The following PTPRJ variants were observed in gnomAD, a reference collection of about 807,000 sequenced individuals.
PTPRJ encodes protein tyrosine phosphatase receptor type J.
A neutral mutation model predicts 141.3 loss-of-function variants in PTPRJ; 129 were observed. The ratio of observed to expected loss-of-function variants is 0.91; its 90% CI spans 0.79 to 1.06. PTPRJ has a LOEUF of 1.06. Among genes scored for constraint, PTPRJ ranks in the 50% least tolerant of loss-of-function variants. The probability of loss-of-function intolerance (pLI) is 0.00; values close to 1 mark genes in which losing one functional copy is unlikely to be tolerated. For missense variants in PTPRJ, 1,601 were observed against 1,679.7 expected (o/e 0.95, Z 0.82); for synonymous variants, 610 against 640.5 (o/e 0.95, Z 0.72).
rs538201000 is a variant in PTPRJ at position 48,132,322 on chromosome 11, C to A, written c.1615+1606C>A. 3.0e-5 allele frequency: 29 copies of A among 980,032 alleles called. No homozygotes were observed. In the South Asian group the frequency reaches 1.1e-3, roughly 37 times the overall value. 60.7% of individuals were successfully genotyped at this position (980,032 alleles called of 1,614,324 possible). A position where few individuals can be genotyped will look rare whatever the true frequency, so the allele number is the denominator to read the frequency against. ...AGGCTGCGGCAGGAGGATTGCTTGGCCCAACAGTTGCAGACTAGCACCAGC... is the reference window on the plus strand; with the variant it reads ...AGGCTGCGGCAGGAGGATTGCTTGGACCAACAGTTGCAGACTAGCACCAGC... On this transcript the variant is annotated intron_variant, in intron 8 of 24. Coordinates refer to ENST00000418331, the MANE Select transcript of PTPRJ (RefSeq NM_002843.4).
At chr11:48,133,221 G>A (rs1857019488) in intron 8 of PTPRJ, among the ~76,000 whole-genome samples, 1 of 152,242 alleles carries the variant, frequency 6.6e-6, no homozygotes, top group Non-Finnish European at 1.5e-5. Flanking sequence ...AAACTGACCT[G>A]TGTCTGCTGT....
At position 48,044,379 on chromosome 11, in the gene PTPRJ, G is replaced by A. The variant is rs147425368; in HGVS notation, c.96+63371G>A. 5.3e-3 allele frequency among the ~76,000 whole-genome samples: 801 copies of A among 152,354 alleles called. 8 individuals carry two copies. Among genetic ancestry groups the A allele is most frequent in the African/African-American group, 0.019 (775 of 41,576 alleles). ...GCTGCTCTGAGGTCAGGCCTGGCAGGTGGCGAGGGCCTAAGAGGAATTGGA... is the reference window on the plus strand; with the variant it reads ...GCTGCTCTGAGGTCAGGCCTGGCAGATGGCGAGGGCCTAAGAGGAATTGGA... On this transcript the variant is annotated intron_variant, in intron 1 of 24. Transcript: ENST00000418331.
chr11:48,090,206 C>A (rs1565297749), intron 1 of PTPRJ, among the ~76,000 whole-genome samples: 1 of 152,242 alleles, frequency 6.6e-6, no homozygotes, highest in African/African-American at 2.4e-5. Flanking sequence ...AGCACAGCAC[C>A]TGCCTGTGCA....
intron 1 of PTPRJ, among the ~76,000 whole-genome samples, chr11:48,004,145 C>G (rs1854566664): frequency 6.6e-6 from 1 of 152,122 alleles, no homozygotes; most frequent in Non-Finnish European, 1.5e-5. Context: ...TGAACACTTG[C>G]AGAATGAAAT....
At chr11:48,136,916 GC>G (rs1461194986) in intron 9 of PTPRJ, 86 bp from the exon 10 acceptor site, 1 of 1,341,980 alleles carries the variant, frequency 7.5e-7, no homozygotes, top group Admixed American at 2.3e-5. Context: ...TCTAAAACGA[GC>G]CAGGCTATTT....
chr11:48,128,642 A>G (rs921253984), intron 7 of PTPRJ, among the ~76,000 whole-genome samples: 1 of 152,210 alleles, frequency 6.6e-6, no homozygotes, highest in Non-Finnish European at 1.5e-5. Context: ...TGACACCAGC[A>G]CTGCATTTTG....
intron 1 of PTPRJ, among the ~76,000 whole-genome samples, chr11:48,025,270 A>C (rs1853776755): frequency 6.6e-6 from 1 of 152,192 alleles, no homozygotes; most frequent in Non-Finnish European, 1.5e-5. Flanking sequence ...CCCCCATTGG[A>C]AACTGGAGGT....
At chr11:48,010,104 C>G (rs2134200445) in intron 1 of PTPRJ, among the ~76,000 whole-genome samples, 1 of 152,306 alleles carries the variant, frequency 6.6e-6, no homozygotes, top group Non-Finnish European at 1.5e-5. Context: ...CCTCTGTCTC[C>G]CTAAATAGAC....
At position 48,139,537 on chromosome 11, in the gene PTPRJ, C is replaced by A. The variant is rs1184070578; in HGVS notation, c.2204C>A (p.Ala735Asp). ...TGCGAAGTGGTCCCCAAAGAGCCAG[C>A]CCTGGTTCTCAAATGGACCTGCCCT... is the stretch of plus-strand genomic sequence containing the variant. ...FDCEVVPKEP[A>D]LVLKWTCPPG... is the part of the protein sequence containing the mutation. Residue 735 changes from alanine (A) to aspartate (D), a missense_variant, in exon 11 of 25, where the codon GCC becomes GAC. By Grantham distance (126) the Ala-to-Asp change is moderately radical. Transcript: ENST00000418331. 1.9e-6 allele frequency: 3 copies of A among 1,614,220 alleles called. No individual in the cohort carries two copies. The highest frequency in any genetic ancestry group is 2.5e-6 in the Non-Finnish European group (3 of 1,180,042).
chr11:48,163,268 C>G (rs767955691), intron 22 of PTPRJ, among the ~76,000 whole-genome samples, 190 bp from the exon 23 acceptor site: 1 of 152,174 alleles, frequency 6.6e-6, no homozygotes, highest in Non-Finnish European at 1.5e-5. Flanking sequence ...GGATAATAAA[C>G]TCTCCTTCTT....
chr11:48,132,224 G>T (rs1856996260), intron 8 of PTPRJ: 1 of 985,246 alleles, frequency 1.0e-6, no homozygotes. Context: ...AGTTCTAGAA[G>T]GCTAATTGAA....
At chr11:48,129,749 G>C (rs961485202) in intron 7 of PTPRJ, among the ~76,000 whole-genome samples, 1 of 152,152 alleles carries the variant, frequency 6.6e-6, no homozygotes, top group Non-Finnish European at 1.5e-5. Flanking sequence ...GTTCTGAGCT[G>C]TGATCCTGGG....
intron 19 of PTPRJ, among the ~76,000 whole-genome samples, chr11:48,155,187 A>T (rs1167218198): frequency 6.6e-6 from 1 of 152,210 alleles, no homozygotes; most frequent in African/African-American, 2.4e-5. Flanking sequence ...TAGTAGTCTT[A>T]TACATTCAAT....
intron 1 of PTPRJ, among the ~76,000 whole-genome samples, chr11:48,073,692 G>A (rs1024573963): frequency 6.6e-6 from 1 of 151,076 alleles, no homozygotes; most frequent in African/African-American, 2.4e-5. Context: ...AAAGATATTT[G>A]ACATCTTTTC....
At chr11:48,132,266 T>A in intron 8 of PTPRJ, 1 of 985,318 alleles carries the variant, frequency 1.0e-6, no homozygotes, top group Non-Finnish European at 1.2e-6. Flanking sequence ...TCAGCTACGG[T>A]GGCCTGCACC....
At chr11:47,998,458 GC>G (rs1484143225) in intron 1 of PTPRJ, among the ~76,000 whole-genome samples, 4 of 152,074 alleles carry the variant, frequency 2.6e-5, no homozygotes, top group Admixed American at 1.3e-4. Flanking sequence ...AAATTATCAC[GC>G]CCATTTTAGA....
chr11:48,148,304 C>A (rs1163389440), intron 15 of PTPRJ, among the ~76,000 whole-genome samples: 1 of 152,224 alleles, frequency 6.6e-6, no homozygotes, highest in Non-Finnish European at 1.5e-5. Context: ...GCAGAACCCA[C>A]ACAAAACTAC....
intron 1 of PTPRJ, among the ~76,000 whole-genome samples, chr11:48,078,795 G>GTTTTTT (rs55980751): frequency 3.1e-5 from 3 of 96,274 alleles, no homozygotes; most frequent in East Asian, 3.1e-4. Flanking sequence ...TCTGTAAATA[G>GTTTTTT]TTTTTTTTTT....
chr11:48,021,261 C>G (rs1855111298), intron 1 of PTPRJ, among the ~76,000 whole-genome samples: 1 of 152,060 alleles, frequency 6.6e-6, no homozygotes, highest in Non-Finnish European at 1.5e-5. Context: ...GTAATCCCAG[C>G]TACTGGGGAG....
Sources: allele counts gnomAD v4.1 joint callset (sites outside exome capture counted in the v4.1 genomes callset), GRCh38; gene constraint gnomAD v4.1.1; transcripts MANE v1.5; gene names NCBI Gene and HGNC (gene_info 2026-07-23, HGNC 2026-07-21).